Variants in MINDY2 observed in about 807,000 individuals in gnomAD.
MINDY2 encodes the protein ubiquitin carboxyl-terminal hydrolase MINDY-2.
In MINDY2, 52 loss-of-function variants were observed where a neutral mutation model predicts 68.2. The ratio of observed to expected loss-of-function variants is 0.76; its 90% CI spans 0.61 to 0.96. The LOEUF is 0.96. Ranked by LOEUF, MINDY2 falls within the 40% of genes least tolerant of loss-of-function variation. The pLI is 0.00. For synonymous variants in MINDY2, 372 were observed against 303.0 expected, an observed-to-expected ratio of 1.23 and a Z score of -2.36; for missense variants, 881 against 773.4, an observed-to-expected ratio of 1.14 and a Z score of -1.65.
At chr15:58,794,684 TAAA>T (rs1179813585) in intron 2 of MINDY2, among the ~76,000 whole-genome samples, 1 of 151,892 alleles carries the variant, frequency 6.6e-6, no homozygotes, top group Non-Finnish European at 1.5e-5. Flanking sequence ...GGTTCACTGG[TAAA>T]AGAAGTATGA....
intron 4 of MINDY2, among the ~76,000 whole-genome samples, chr15:58,821,283 T>C (rs1054012694): frequency 8.6e-5 from 13 of 151,510 alleles, no homozygotes; most frequent in African/African-American, 3.1e-4. Flanking sequence ...TAAATTAACA[T>C]ATTTAAAGTT....
At position 58,840,889 on chromosome 15, in the gene MINDY2, C is replaced by T. The variant is rs1369469942; in HGVS notation, c.1369-6408C>T. Among the ~76,000 whole-genome samples, 5 of 146,820 alleles carry T rather than the reference C, an allele frequency of 3.4e-5. No individual in the cohort carries two copies. In the East Asian group the frequency reaches 5.9e-4, roughly 17 times the overall value. ...TTCACCGTGTTAGCCAGGATGGTCTCGATCTCCTGACCTCGTGATCTGCCT... is the reference window on the plus strand; with the variant it reads ...TTCACCGTGTTAGCCAGGATGGTCTTGATCTCCTGACCTCGTGATCTGCCT... On this transcript the variant is annotated intron_variant, in intron 6 of 8. Coordinates refer to ENST00000559228, the MANE Select transcript of MINDY2 (RefSeq NM_001040450.3).
rs1165776176 is a variant in MINDY2, at chr15:58,805,132, A to C, written c.963+2755A>C. Among the ~76,000 whole-genome samples, 3 of 152,214 alleles carry C rather than the reference A, an allele frequency of 2.0e-5. No homozygotes were observed. The East Asian group carries it at 5.8e-4, about 29-fold the overall frequency. ...CAAAGGATATCTAACAACTGCTTGC[A>C]TTTCTCATAAACATATCAGGCAAAA... On this transcript the variant is annotated intron_variant, in intron 3 of 8. Coordinates refer to ENST00000559228, the MANE Select transcript of MINDY2 (RefSeq NM_001040450.3).
intron 6 of MINDY2, among the ~76,000 whole-genome samples, chr15:58,839,231 A>T (rs2032155716): frequency 6.6e-6 from 1 of 152,084 alleles, no homozygotes; most frequent in African/African-American, 2.4e-5. Flanking sequence ...CTTTCTAGTT[A>T]TTAATGGTAT....
rs189338532 is a variant in MINDY2, at chr15:58,803,768, A to G, written c.963+1391A>G. On this transcript the variant is annotated intron_variant, in intron 3 of 8. Transcript: ENST00000559228. Reference sequence around the variant, plus strand: ...GAGGCGGAGGTTGCAGTGAGCCGAGATTGCGTCACTACACTCCGTCCTGGG... The same window carrying G: ...GAGGCGGAGGTTGCAGTGAGCCGAGGTTGCGTCACTACACTCCGTCCTGGG... Among the ~76,000 whole-genome samples the G allele has an allele frequency of 1.1e-4, 16 of 152,078 alleles. No individual in the cohort carries two copies. In the East Asian group the frequency reaches 3.1e-3, roughly 29 times the overall value.
intron 4 of MINDY2, among the ~76,000 whole-genome samples, chr15:58,811,983 T>C (rs995556146): frequency 3.3e-5 from 5 of 152,238 alleles, no homozygotes; most frequent in African/African-American, 7.2e-5. Flanking sequence ...CAAAATAATA[T>C]TAGTTAATTG....
chr15:58,775,204 T>C (rs1900701240), intron 1 of MINDY2, among the ~76,000 whole-genome samples: 1 of 152,212 alleles, frequency 6.6e-6, no homozygotes, highest in Non-Finnish European at 1.5e-5. Context: ...CTCTGTACTT[T>C]GTGTTTTAAA....
chr15:58,780,763 G>C (rs1269319881), intron 1 of MINDY2, among the ~76,000 whole-genome samples: 3 of 152,100 alleles, frequency 2.0e-5, no homozygotes, highest in Non-Finnish European at 4.4e-5. Context: ...AGGTGAATCA[G>C]CTGGCCTTTC....
intron 3 of MINDY2, among the ~76,000 whole-genome samples, chr15:58,807,080 T>C (rs778934209): frequency 1.3e-5 from 2 of 152,190 alleles, no homozygotes; most frequent in Non-Finnish European, 2.9e-5. Context: ...AACCTAAATT[T>C]GTCTTTTTCA....
chr15:58,785,925 C>A (rs1262789755), intron 1 of MINDY2, among the ~76,000 whole-genome samples: 1 of 152,072 alleles, frequency 6.6e-6, no homozygotes, highest in African/African-American at 2.4e-5. Flanking sequence ...GTGATCTGCC[C>A]ACCTCAACCT....
intron 3 of MINDY2, among the ~76,000 whole-genome samples, chr15:58,807,590 C>G (rs1374763251): frequency 6.6e-6 from 1 of 152,062 alleles, no homozygotes; most frequent in Admixed American, 6.6e-5. Flanking sequence ...GTCTCGATCT[C>G]CTGACCTTGT....
intron 6 of MINDY2, among the ~76,000 whole-genome samples, chr15:58,832,136 T>G (rs1157689136): frequency 2.6e-5 from 4 of 152,272 alleles, no homozygotes; most frequent in South Asian, 2.1e-4. Flanking sequence ...TCTCAACTTC[T>G]TTTTCACAGA....
intron 1 of MINDY2, among the ~76,000 whole-genome samples, chr15:58,782,727 G>C (rs1806359311): frequency 6.6e-6 from 1 of 151,928 alleles, no homozygotes; most frequent in Non-Finnish European, 1.5e-5. Flanking sequence ...AATTGGCTTT[G>C]GTGTCTGATC....
intron 7 of MINDY2, among the ~76,000 whole-genome samples, chr15:58,849,085 C>T (rs531667391): frequency 6.6e-6 from 1 of 152,114 alleles, no homozygotes; most frequent in African/African-American, 2.4e-5. Context: ...TGGTGCGCAC[C>T]TGTAACCCCA....
Position 58,847,319 on chromosome 15 carries a change from C to T in MINDY2, c.1391C>T (p.Thr464Met), listed in dbSNP as rs763637356. The change falls in exon 7 of 9, where the codon ACG becomes ATG. Residue 464 changes from threonine (T) to methionine (M), a missense_variant. Thr to Met is a moderately conservative substitution (Grantham distance 81). Transcript: ENST00000559228. ...AAGGGTCAACTGTATTTGTTGGTAA[C>T]GGACCAGGGGTTTCTTACTGAAGAG... The part of the protein sequence containing the change: ...KYKGQLYLLV[T>M]DQGFLTEEKV... 1.5e-5 allele frequency: 23 copies of T among 1,576,450 alleles called. No individual in the cohort carries two copies. Among genetic ancestry groups the T allele is most frequent in the Admixed American group, 6.8e-5 (4 of 59,212 alleles).
Position 58,854,610 on chromosome 15 carries a change from A to C in MINDY2, c.1866A>C (p.Ter622TyrextTer13). ...EKEKNSCVIL[*>Y] The stretch of plus-strand genomic sequence containing the variant: ...AAAAAAATAGCTGTGTTATTTTGTA[A>C]CAAGTGTTGGCTTCTGTTGGAACCA... Residue 622 changes from the stop codon to tyrosine (Y), a stop_lost, in exon 9 of 9, where the codon TAA (stop) becomes TAC (tyrosine). Coordinates refer to ENST00000559228, the MANE Select transcript of MINDY2 (RefSeq NM_001040450.3). 1 of 1,605,620 alleles carries C rather than the reference A, an allele frequency of 6.2e-7. No homozygotes were observed. The highest frequency in any genetic ancestry group is 8.5e-7 in the Non-Finnish European group (1 of 1,179,346).
chr15:58,858,539 A>G lies in MINDY2; in HGVS notation c.*3929A>G, dbSNP rs1159965685. On this transcript the variant is annotated 3_prime_UTR_variant, in exon 9 of 9. Transcript: ENST00000559228. Reference sequence around the variant, plus strand: ...AAATAAAATAATTGTTCATATATTAATGTTCACATGTGAACTACATATCTA... The same window carrying G: ...AAATAAAATAATTGTTCATATATTAGTGTTCACATGTGAACTACATATCTA... The G allele has an allele frequency of 1.3e-5, 2 of 152,194 alleles. No individual in the cohort carries two copies. Among genetic ancestry groups the G allele is most frequent in the African/African-American group, 2.4e-5 (1 of 41,464 alleles). 9.4% of individuals were successfully genotyped at this position (152,194 alleles called of 1,614,324 possible). A position where few individuals can be genotyped will look rare whatever the true frequency, so the allele number is the denominator to read the frequency against.
In MINDY2 at chr15:58,798,451, A is replaced by T. The variant is rs1303178844; in HGVS notation, c.899-3862A>T. ...TTTTCTTGCCTTTTTTAATGCAGTA[A>T]AAAAAAATTTTTTTTTTTTTTGAGA... On this transcript the variant is annotated intron_variant, in intron 2 of 8. Transcript: ENST00000559228. Among the ~76,000 whole-genome samples, 3 of 117,846 alleles carry T rather than the reference A, an allele frequency of 2.5e-5. No individual in the cohort carries two copies. In the East Asian group the frequency reaches 1.2e-3, roughly 48 times the overall value. 77.3% of individuals were successfully genotyped at this position (117,846 alleles called of 152,430 possible). A position where few individuals can be genotyped will look rare whatever the true frequency, so the allele number is the denominator to read the frequency against.
intron 5 of MINDY2, among the ~76,000 whole-genome samples, chr15:58,822,645 A>G (rs2031137538): frequency 6.6e-6 from 1 of 152,170 alleles, no homozygotes; most frequent in Non-Finnish European, 1.5e-5. Context: ...GGAATTCCTA[A>G]ATTCATCGTC....
Sources: allele counts gnomAD v4.1 joint callset (sites outside exome capture counted in the v4.1 genomes callset), GRCh38; gene constraint gnomAD v4.1.1; transcripts MANE v1.5; gene names NCBI Gene and HGNC (gene_info 2026-07-23, HGNC 2026-07-21).